The following NISCH variants were observed in gnomAD, a reference collection of about 807,000 sequenced individuals.
NISCH encodes nischarin, also known as I-1 receptor candidate protein.
NISCH carries 55 observed loss-of-function variants against 138.4 expected under a neutral mutation model. The ratio of observed to expected loss-of-function variants is 0.40; its 90% CI spans 0.32 to 0.50. The LOEUF is 0.50. Ranked by LOEUF, NISCH falls within the 20% of genes least tolerant of loss-of-function variation. The pLI is 0.71. For synonymous variants in NISCH, 860 were observed against 861.5 expected (o/e 1.00, Z 0.03); for missense variants, 1,643 against 2,005.5 (o/e 0.82, Z 3.45).
intron 3 of NISCH, among the ~76,000 whole-genome samples, chr3:52,466,657 C>G (rs1706788757): frequency 6.6e-6 from 1 of 151,938 alleles, no homozygotes; most frequent in Non-Finnish European, 1.5e-5. Context: ...ACATGTAATT[C>G]ACTCGCTGGT....
At chr3:52,472,631 C>T (rs994912464) in intron 6 of NISCH, among the ~76,000 whole-genome samples, 1 of 152,216 alleles carries the variant, frequency 6.6e-6, no homozygotes, top group Non-Finnish European at 1.5e-5. Context: ...GGCGGTTAGC[C>T]AGGGTGGAGC....
Position 52,490,687 on chromosome 3 carries a change from C to T in NISCH, c.3614-18C>T, listed in dbSNP as rs1707538623. On this transcript the variant is annotated intron_variant, in intron 18 of 20. Coordinates refer to ENST00000345716, the MANE Select transcript of NISCH (RefSeq NM_007184.4). ...TTGCCTGCCACCGCCTCCCTCTGTC[C>T]CTTTCTCCATCACACAGATTTCTGG... 2 of 1,613,982 alleles carry T rather than the reference C, an allele frequency of 1.2e-6. No homozygotes were observed. The highest frequency in any genetic ancestry group is 1.3e-5 in the African/African-American group (1 of 74,928).
chr3:52,479,339 A>T (rs1019699899), intron 11 of NISCH, among the ~76,000 whole-genome samples: 1 of 151,650 alleles, frequency 6.6e-6, no homozygotes, highest in Non-Finnish European at 1.5e-5. Context: ...TGGTTCCCCT[A>T]CCCAGGAGGC....
chr3:52,457,985 T>A lies in NISCH; in HGVS notation c.177+59T>A, dbSNP rs77704153. 5,878 of 1,311,066 alleles carry A rather than the reference T, an allele frequency of 4.5e-3. 158 individuals carry two copies. The East Asian group carries it at 0.072, about 16-fold the overall frequency. The allele number at this position is 1,311,066 out of a possible 1,614,324, so 81.2% of individuals were successfully genotyped here. A position where few individuals can be genotyped will look rare whatever the true frequency, so the allele number is the denominator to read the frequency against. ...GGCTGGGGGACCCGTAGGCCAACTT[T>A]CCATTGTGCCACATATTAGTTTTAG... On this transcript the variant is annotated intron_variant, in intron 2 of 20. Transcript: ENST00000345716.
intron 3 of NISCH, 96 bp downstream of exon 3, chr3:52,458,940 T>C: frequency 1.8e-6 from 2 of 1,128,346 alleles, no homozygotes; most frequent in Non-Finnish European, 1.3e-6. Context: ...TGAGGTGGGC[T>C]GGGGTTTGAC....
chr3:52,462,884 C>T (rs1303838060), intron 3 of NISCH, among the ~76,000 whole-genome samples: 1 of 152,214 alleles, frequency 6.6e-6, no homozygotes, highest in Non-Finnish European at 1.5e-5. Context: ...GATCCACCTG[C>T]CTCAGCCTCC....
In NISCH at chr3:52,490,754, C is replaced by T. The variant is rs1707540326; in HGVS notation, c.3663C>T (p.Ile1221=). 6.2e-7 allele frequency: 1 copy of T among 1,614,110 alleles called. No individual in the cohort carries two copies. Among genetic ancestry groups the T allele is most frequent in the African/African-American group, 1.3e-5 (1 of 74,958 alleles). Residue 1221 remains isoleucine, a synonymous_variant, in exon 19 of 21, where the codon ATC becomes ATT. Transcript: ENST00000345716. ...ACTACAACAACAGCCCTTTCCACAT[C>T]TCCCAGTGCTTCGTGCTAAAGCTTA... ...NTDYNNSPFH[I]SQCFVLKLSD...
In NISCH at chr3:52,487,436, C is replaced by A. The variant is rs750563676; in HGVS notation, c.1944C>A (p.Asp648Glu). The A allele has an allele frequency of 5.6e-6, 9 of 1,608,068 alleles. No homozygotes were observed. In the East Asian group the frequency reaches 2.0e-4, roughly 36 times the overall value. Reference sequence around the variant, plus strand: ...ATGAGGAGGAGGAAGAAGAGGAGGACGTGGCTGAGAACCGCTACTTTGAAA... The same window carrying A: ...ATGAGGAGGAGGAAGAAGAGGAGGAAGTGGCTGAGAACCGCTACTTTGAAA... ...EEDEEEEEEEDVAENRYFEMG... is the reference protein window; with the variant it reads ...EEDEEEEEEEEVAENRYFEMG... The change falls in exon 16 of 21, where the codon GAC (aspartate) becomes GAA (glutamate). Residue 648 changes from aspartate to glutamate, a missense_variant. Physicochemically the swap from Asp to Glu is conservative, Grantham distance 45. Transcript: ENST00000345716. This position sits in a 1 kb window ranked among gnomAD's most constrained non-coding sequence, Gnocchi z 9.1.
At chr3:52,481,725 C>G (rs1296433321) in intron 13 of NISCH, 35 of 985,454 alleles carry the variant, frequency 3.6e-5, no homozygotes, top group Non-Finnish European at 4.1e-5. Context: ...TGTCCCCAGG[C>G]TGCAGCTGCA....
In NISCH at chr3:52,457,924, A is replaced by G. The variant is rs1308803413; in HGVS notation, c.175A>G (p.Lys59Glu). ...RYSDFHDLHE[K>E]LVAERKIDKN... The stretch of plus-strand genomic sequence containing the variant: ...CAGCGACTTCCATGACCTGCATGAA[A>G]AGGTAACTGTTAAGAGCTGGGAGCA... The change falls in exon 2 of 21, where the codon AAG becomes GAG. Residue 59 changes from lysine (K) to glutamate (E), a missense_variant and splice_region_variant. Coordinates refer to ENST00000345716, the MANE Select transcript of NISCH (RefSeq NM_007184.4). 6.2e-7 allele frequency: 1 copy of G among 1,605,448 alleles called. No homozygotes were observed. Among genetic ancestry groups the G allele is most frequent in the East Asian group, 2.2e-5 (1 of 44,570 alleles).
chr3:52,472,425 T>G (rs1177510268), intron 6 of NISCH, 27 bp downstream of exon 6: 1 of 1,568,554 alleles, frequency 6.4e-7, no homozygotes, highest in Non-Finnish European at 8.8e-7. Flanking sequence ...CACAGCATCC[T>G]CTCGCTCCCA....
rs1707611544 is a variant in NISCH, at chr3:52,492,880, T to C, written c.*398T>C. ...GCTGTTGCTGTTGGCATCTTGCTGC[T>C]AATCCTGAGGCTGGTAGCAGAATGC... is the stretch of plus-strand genomic sequence containing the variant. On this transcript the variant is annotated 3_prime_UTR_variant, in exon 21 of 21. Coordinates refer to ENST00000345716, the MANE Select transcript of NISCH (RefSeq NM_007184.4). 1 of 234,086 alleles carries C rather than the reference T, an allele frequency of 4.3e-6. No individual in the cohort carries two copies. The allele number at this position is 234,086 out of a possible 1,614,324, so 14.5% of individuals were successfully genotyped here.
intron 14 of NISCH, 50 bp from the exon 15 acceptor site, chr3:52,485,728 T>G: frequency 1.3e-6 from 2 of 1,551,020 alleles, no homozygotes; most frequent in Non-Finnish European, 8.7e-7. Flanking sequence ...AGTAAATGGC[T>G]GGGGCTGGCT....
At chr3:52,491,270 AG>A in intron 19 of NISCH, 81 bp from the exon 20 acceptor site, 1 of 1,512,738 alleles carries the variant, frequency 6.6e-7, no homozygotes, top group East Asian at 2.3e-5. Context: ...GAGGCTTGCT[AG>A]GGACTCGGGG....
At chr3:52,472,050 C>A in intron 5 of NISCH, 73 bp downstream of exon 5, 1 of 1,469,650 alleles carries the variant, frequency 6.8e-7, no homozygotes, top group Non-Finnish European at 9.2e-7. Context: ...GACTGGCTGG[C>A]AGTTTGTGTG....
In NISCH at chr3:52,472,297, C is replaced by T. The variant is rs746267980; in HGVS notation, c.574-6C>T. ...TTCCCAATTTAAGCCTTATCTTTGG[C>T]TTCAGGTTTCTGGCACAGAAGGACC... On this transcript the variant is annotated splice_polypyrimidine_tract_variant and splice_region_variant and intron_variant, in intron 5 of 20. Transcript: ENST00000345716. 35 of 1,613,698 alleles carry T rather than the reference C, an allele frequency of 2.2e-5. No individual in the cohort carries two copies. Among genetic ancestry groups the T allele is most frequent in the Non-Finnish European group, 2.8e-5 (33 of 1,179,796 alleles).
At chr3:52,469,156 G>A (rs1706869979) in intron 3 of NISCH, among the ~76,000 whole-genome samples, 1 of 152,152 alleles carries the variant, frequency 6.6e-6, no homozygotes, top group Non-Finnish European at 1.5e-5. Flanking sequence ...TGGTGGAAGC[G>A]ATGTTCCCAA....
At chr3:52,464,353 C>T (rs1367838339) in intron 3 of NISCH, among the ~76,000 whole-genome samples, 1 of 151,722 alleles carries the variant, frequency 6.6e-6, no homozygotes, top group Non-Finnish European at 1.5e-5. Flanking sequence ...AGTGAGACCA[C>T]ACCACTGCAC....
rs1401126556 is a variant in NISCH, at chr3:52,492,149, G to A, written c.4182G>A (p.Glu1394=). ...ACTGTGTCCACTACCCACTGCCCGA[G>A]TTTGCCAAAGAGCCGCCGCAGAGAG... ...DEDCVHYPLP[E]FAKEPPQRDR... The change falls in exon 21 of 21, where the codon GAG becomes GAA. Residue 1394 remains glutamate, a synonymous_variant. Transcript: ENST00000345716. 1.2e-6 allele frequency: 2 copies of A among 1,613,110 alleles called. No homozygotes were observed. Among genetic ancestry groups the A allele is most frequent in the Non-Finnish European group, 1.7e-6 (2 of 1,180,040 alleles).
Sources: allele counts gnomAD v4.1 joint callset (sites outside exome capture counted in the v4.1 genomes callset), GRCh38; gene constraint gnomAD v4.1.1; non-coding constraint Gnocchi (gnomAD v3.1); transcripts MANE v1.5; gene names NCBI Gene and HGNC (gene_info 2026-07-23, HGNC 2026-07-21).